HRH4: variants seen among roughly 807,000 people sequenced by gnomAD.
HRH4 encodes the protein histamine receptor H4, also known as histamine H4 receptor.
A neutral mutation model predicts 10.4 loss-of-function variants in HRH4; 12 were observed. That is an observed-to-expected ratio of 1.15 (90% confidence interval 0.74 to 1.87). The LOEUF is 1.87. Among genes scored for constraint, HRH4 ranks in the 40% most tolerant of loss-of-function variants. The probability of loss-of-function intolerance (pLI) is 0.00; values close to 1 mark genes in which losing one functional copy is unlikely to be tolerated. For missense variants in HRH4, 415 were observed against 453.3 expected, an observed-to-expected ratio of 0.92 and a Z score of 0.77; for synonymous variants, 154 against 166.6, an observed-to-expected ratio of 0.92 and a Z score of 0.58.
intron 1 of HRH4, among the ~76,000 whole-genome samples, chr18:24,465,684 G>A (rs1909754539): frequency 6.6e-6 from 1 of 152,132 alleles, no homozygotes; most frequent in South Asian, 2.1e-4. Context: ...CATCTCTGTT[G>A]CTCAACAAGA....
At chr18:24,470,499 C>CTTTTTTTTTT (rs1435856728) in intron 2 of HRH4, among the ~76,000 whole-genome samples, 1 of 43,666 alleles carries the variant, frequency 2.3e-5, no homozygotes, top group Non-Finnish European at 4.5e-5. Flanking sequence ...ATTTGTTTCT[C>CTTTTTTTTTT]TATTTTTTTT....
chr18:24,467,465 C>CAAG (rs1186053982), intron 1 of HRH4, among the ~76,000 whole-genome samples: 1 of 152,130 alleles, frequency 6.6e-6, no homozygotes, highest in African/African-American at 2.4e-5. Flanking sequence ...GAGGAAGCTC[C>CAAG]AAGAAAGAGG....
rs748648984 is a variant in HRH4 at position 24,477,065 on chromosome 18, C to A, written c.676C>A (p.His226Asn). The A allele has an allele frequency of 3.1e-6, 5 of 1,614,210 alleles. No individual in the cohort carries two copies. The East Asian group carries it at 1.1e-4, about 36-fold the overall frequency. Residue 226 changes from histidine to asparagine, a missense_variant, in exon 3 of 3, where the codon CAC becomes AAC. Transcript: ENST00000256906. Reference protein sequence around the residue: ...LTAVSSNICGHSFRGRLSSRR... With the variant: ...LTAVSSNICGNSFRGRLSSRR... ...TGCTGTCTCTTCCAACATCTGTGGA[C>A]ACTCATTCAGAGGTAGACTATCTTC...
At chr18:24,466,455 A>G (rs775050174) in intron 1 of HRH4, among the ~76,000 whole-genome samples, 17 of 151,526 alleles carry the variant, frequency 1.1e-4, no homozygotes, top group Non-Finnish European at 1.8e-4. Context: ...ACATACACAC[A>G]CATACTCTGG....
intron 2 of HRH4, 90 bp from the exon 3 acceptor site, chr18:24,476,657 C>A: frequency 3.0e-6 from 3 of 992,960 alleles, no homozygotes; most frequent in Non-Finnish European, 4.6e-6. Flanking sequence ...CCATCCTTTG[C>A]ACATCCCTGA....
chr18:24,467,389 G>T (rs984052470), intron 1 of HRH4, among the ~76,000 whole-genome samples: 2 of 152,164 alleles, frequency 1.3e-5, no homozygotes, highest in African/African-American at 4.8e-5. Context: ...TGTAATTAAT[G>T]CATGAGAGAG....
At chr18:24,473,160 A>T (rs9967095) in intron 2 of HRH4, among the ~76,000 whole-genome samples, 2,903 of 152,262 alleles carry the variant, frequency 0.019, 99 homozygotes, top group African/African-American at 0.066. Context: ...GTCTCAAAAA[A>T]AAAAGTACAA....
chr18:24,461,421 C>T (rs1909634613), intron 1 of HRH4, among the ~76,000 whole-genome samples: 1 of 151,910 alleles, frequency 6.6e-6, no homozygotes, highest in South Asian at 2.1e-4. Flanking sequence ...AAAATATACC[C>T]AACTGTAAAC....
intron 2 of HRH4, among the ~76,000 whole-genome samples, chr18:24,473,072 T>C (rs888903984): frequency 6.6e-6 from 1 of 152,074 alleles, no homozygotes; most frequent in Admixed American, 6.5e-5. Context: ...GGAGAATCAC[T>C]TGAACCCAGG....
intron 2 of HRH4, among the ~76,000 whole-genome samples, chr18:24,469,822 G>A (rs185774679): frequency 2.2e-4 from 33 of 152,238 alleles, no homozygotes; most frequent in African/African-American, 7.5e-4. Flanking sequence ...AGTAAGCTGC[G>A]TGTCGCGGGG....
chr18:24,469,712 G>A (rs1909883364), intron 2 of HRH4, among the ~76,000 whole-genome samples: 1 of 152,202 alleles, frequency 6.6e-6, no homozygotes, highest in African/African-American at 2.4e-5. Context: ...ATTTTGCTAA[G>A]TGCTGGGATA....
intron 2 of HRH4, among the ~76,000 whole-genome samples, chr18:24,471,026 G>A (rs1054837942): frequency 6.6e-6 from 1 of 151,524 alleles, no homozygotes; most frequent in South Asian, 2.1e-4. Flanking sequence ...CGCCACAAAG[G>A]AAGCTGGGAA....
intron 1 of HRH4, among the ~76,000 whole-genome samples, chr18:24,462,593 C>T (rs1016941057): frequency 2.0e-5 from 3 of 152,096 alleles, no homozygotes; most frequent in Admixed American, 6.5e-5. Context: ...AAGAACGGTA[C>T]GGTGCTCTTC....
At chr18:24,472,534 C>T (rs990045335) in intron 2 of HRH4, among the ~76,000 whole-genome samples, 2 of 152,126 alleles carry the variant, frequency 1.3e-5, no homozygotes, top group African/African-American at 2.4e-5. Flanking sequence ...TGTATCTCTG[C>T]TGGTGAATAG....
rs1910233113 is a variant in HRH4, at chr18:24,479,054, A to G, written c.*1492A>G. On this transcript the variant is annotated 3_prime_UTR_variant, in exon 3 of 3. Coordinates refer to ENST00000256906, the MANE Select transcript of HRH4 (RefSeq NM_021624.4). Reference sequence around the variant, plus strand: ...TGCCTAAGCCACCTGAGCAGCTGGGATTACAGGTGCATGCCACCATGCCTG... The same window carrying G: ...TGCCTAAGCCACCTGAGCAGCTGGGGTTACAGGTGCATGCCACCATGCCTG... 2 of 152,098 alleles carry G rather than the reference A, an allele frequency of 1.3e-5. No individual in the cohort carries two copies. 9.4% of individuals were successfully genotyped at this position (152,098 alleles called of 1,614,324 possible). A position where few individuals can be genotyped will look rare whatever the true frequency, so the allele number is the denominator to read the frequency against.
intron 1 of HRH4, among the ~76,000 whole-genome samples, chr18:24,461,541 G>A (rs992917189): frequency 6.6e-6 from 1 of 152,052 alleles, no homozygotes; most frequent in Non-Finnish European, 1.5e-5. Flanking sequence ...ACTGCCTGAT[G>A]CTTCTTATTT....
intron 1 of HRH4, among the ~76,000 whole-genome samples, chr18:24,463,457 G>T (rs1216926187): frequency 2.0e-5 from 3 of 152,224 alleles, no homozygotes; most frequent in African/African-American, 7.2e-5. Flanking sequence ...TGGCAGTGCT[G>T]TTCTTTCTCC....
chr18:24,475,623 C>CACAAACAAACAAATGA (rs1218983064), intron 2 of HRH4, among the ~76,000 whole-genome samples: 1 of 152,170 alleles, frequency 6.6e-6, no homozygotes, highest in Non-Finnish European at 1.5e-5. Context: ...GAGACCCTGT[C>CACAAACAAACAAATGA]ACAAACAAAC....
At chr18:24,471,606 C>CAAA (rs60730879) in intron 2 of HRH4, among the ~76,000 whole-genome samples, 13 of 51,396 alleles carry the variant, frequency 2.5e-4, no homozygotes, top group East Asian at 1.2e-3. Flanking sequence ...GACTCCATCT[C>CAAA]AAAAAAAAAA....
Sources: allele counts gnomAD v4.1 joint callset (sites outside exome capture counted in the v4.1 genomes callset), GRCh38; gene constraint gnomAD v4.1.1; transcripts MANE v1.5; gene names NCBI Gene and HGNC (gene_info 2026-07-23, HGNC 2026-07-21).